Variants in SBF2 observed in about 807,000 individuals in gnomAD.
SBF2 encodes myotubularin-related protein 13.
Under a neutral mutation model 225.2 loss-of-function variants are expected in SBF2, and 112 were observed. The ratio of observed to expected loss-of-function variants is 0.50; its 90% CI spans 0.43 to 0.58. SBF2 has a LOEUF of 0.58. SBF2 is among the 20% of genes least tolerant of loss of function. SBF2 has a pLI of 0.00. For synonymous variants in SBF2, 763 were observed against 773.3 expected (o/e 0.99, Z 0.22); for missense variants, 1,996 against 2,206.2 (o/e 0.90, Z 1.91).
At chr11:10,000,293 G>A (rs371203119) in intron 8 of SBF2, among the ~76,000 whole-genome samples, 2 of 152,122 alleles carry the variant, frequency 1.3e-5, no homozygotes, top group East Asian at 1.9e-4. Context: ...ATTTCCTTAG[G>A]CCCTTACAGA....
rs567503952 is a variant in SBF2, at chr11:10,300,934, C to A, written n.386+3558G>T. 1.3e-5 allele frequency among the ~76,000 whole-genome samples: 2 copies of A among 151,956 alleles called. 1 individual carries two copies. Among genetic ancestry groups the A allele is most frequent in the Non-Finnish European group, 2.9e-5 (2 of 68,004 alleles). On this transcript the variant is annotated intron_variant and non_coding_transcript_variant, in intron 1 of 5. Transcript: ENST00000685217. ...AAAGTGCTAGGATTACAGGCACGAGCCACTGTACTGGACCATCTCTTCTCT... is the reference window on the plus strand; with the variant it reads ...AAAGTGCTAGGATTACAGGCACGAGACACTGTACTGGACCATCTCTTCTCT...
intron 35 of SBF2, 186 bp from the exon 36 acceptor site, chr11:9,787,924 C>T (rs1372959733): frequency 3.3e-5 from 21 of 628,116 alleles, no homozygotes; most frequent in Admixed American, 2.8e-4. Context: ...GTTGGTGTGC[C>T]GTACTGTGGC....
chr11:9,877,606 T>C (rs1189017908), intron 17 of SBF2, among the ~76,000 whole-genome samples: 1 of 152,154 alleles, frequency 6.6e-6, no homozygotes, highest in Non-Finnish European at 1.5e-5. Flanking sequence ...TCCAAGTGTT[T>C]TCACTGTTCA....
At chr11:10,084,225 G>A (rs1355803180) in intron 2 of SBF2, among the ~76,000 whole-genome samples, 3 of 151,890 alleles carry the variant, frequency 2.0e-5, no homozygotes, top group African/African-American at 7.3e-5. Context: ...TGCACATCCT[G>A]CACATGTATC....
At chr11:9,919,448 C>T (rs1386682665) in intron 16 of SBF2, among the ~76,000 whole-genome samples, 1 of 151,964 alleles carries the variant, frequency 6.6e-6, no homozygotes, top group Admixed American at 6.6e-5. Context: ...GCCGAGCTCC[C>T]CGAGTGAGCA....
chr11:10,222,287 A>G (rs1958368306), intron 1 of SBF2, among the ~76,000 whole-genome samples: 1 of 152,244 alleles, frequency 6.6e-6, no homozygotes, highest in African/African-American at 2.4e-5. Flanking sequence ...CCAAGTTGCA[A>G]GACAAAAGGA....
At chr11:10,137,491 A>G (rs1954436013) in intron 2 of SBF2, among the ~76,000 whole-genome samples, 1 of 152,192 alleles carries the variant, frequency 6.6e-6, no homozygotes, top group Admixed American at 6.5e-5. Flanking sequence ...GGGGGAAAGC[A>G]TTCAATTTTT....
chr11:10,081,759 CA>C (rs59208091), intron 2 of SBF2, among the ~76,000 whole-genome samples: 7,640 of 120,438 alleles, frequency 0.063, 237 homozygotes, highest in Middle Eastern at 0.16. Context: ...GACTCCACCT[CA>C]AAAAAAAAAA....
chr11:9,822,649 A>G (rs1168621082), intron 28 of SBF2, among the ~76,000 whole-genome samples: 1 of 152,196 alleles, frequency 6.6e-6, no homozygotes, highest in Non-Finnish European at 1.5e-5. Context: ...TTCAGGGAAG[A>G]TATGACACAG....
intron 2 of SBF2, among the ~76,000 whole-genome samples, chr11:10,063,934 T>C (rs1158271306): frequency 6.6e-6 from 1 of 151,126 alleles, no homozygotes; most frequent in Admixed American, 6.6e-5. Flanking sequence ...GCCTAAAATA[T>C]AAGTAACAGG....
At chr11:9,782,688 T>C (rs1319811293) in intron 38 of SBF2, among the ~76,000 whole-genome samples, 3 of 151,970 alleles carry the variant, frequency 2.0e-5, no homozygotes, top group Non-Finnish European at 4.4e-5. Flanking sequence ...CTGACCAATA[T>C]GGTGAAACCC....
rs370084303 is a variant in SBF2 at position 10,026,420 on chromosome 11, A to G, written c.619+2032T>C. On this transcript the variant is annotated intron_variant, in intron 6 of 39. Transcript: ENST00000256190. ...TAGGGACCACAGACAAGCTGCAGGT[A>G]GTCCATGAATCTACTAAATTTACTT... 2.6e-4 allele frequency among the ~76,000 whole-genome samples: 39 copies of G among 152,306 alleles called. No homozygotes were observed. The South Asian group carries it at 7.7e-3, about 30-fold the overall frequency.
At chr11:10,190,501 G>C (rs778667152) in intron 2 of SBF2, among the ~76,000 whole-genome samples, 3 of 151,984 alleles carry the variant, frequency 2.0e-5, no homozygotes, top group Non-Finnish European at 4.4e-5. Flanking sequence ...TTTTTCAATA[G>C]AAAAATAGAA....
Position 9,842,740 on chromosome 11 carries a change from G to C in SBF2, c.3141C>G (p.Ala1047=). 6.2e-7 allele frequency: 1 copy of C among 1,613,870 alleles called. No individual in the cohort carries two copies. The highest frequency in any genetic ancestry group is 8.5e-7 in the Non-Finnish European group (1 of 1,179,968). ...RTFSKTIVKG[A]KRAGKMTIGR... Reference sequence around the variant, plus strand: ...CAATTGTCATTTTCCCTGCCCTTTTGGCACCTTTCACAATTGTTTTTGAGA... The same window carrying C: ...CAATTGTCATTTTCCCTGCCCTTTTCGCACCTTTCACAATTGTTTTTGAGA... The change falls in exon 25 of 40, where the codon GCC becomes GCG. Residue 1047 remains alanine, a synonymous_variant. Coordinates refer to ENST00000256190, the MANE Select transcript of SBF2 (RefSeq NM_030962.4).
At position 10,215,847 on chromosome 11, in the gene SBF2, T is replaced by G. The variant is rs1958109359; in HGVS notation, c.56-21860A>C. On this transcript the variant is annotated intron_variant, in intron 1 of 39. Coordinates refer to ENST00000256190, the MANE Select transcript of SBF2 (RefSeq NM_030962.4). ...AACTGACTTCTCATCACATTCAGGA[T>G]AATGACTGAATTTCCATCTGACTTA... is the stretch of plus-strand genomic sequence containing the variant. Among the ~76,000 whole-genome samples, 4 of 152,242 alleles carry G rather than the reference T, an allele frequency of 2.6e-5. No individual in the cohort carries two copies. The South Asian group carries it at 8.3e-4, about 31-fold the overall frequency.
In SBF2 at chr11:10,028,525, C is replaced by A. The variant is rs886047534; in HGVS notation, c.546G>T (p.Gln182His). 9 of 1,613,404 alleles carry A rather than the reference C, an allele frequency of 5.6e-6. No individual in the cohort carries two copies. Among genetic ancestry groups the A allele is most frequent in the Non-Finnish European group, 6.8e-6 (8 of 1,179,536 alleles). The change falls in exon 6 of 40, where the codon CAG becomes CAT. Residue 182 changes from glutamine to histidine, a missense_variant. By Grantham distance (24) the Gln-to-His change is conservative. Transcript: ENST00000256190. ...KLFSLGAGDRQLIQTPLHDSL... is the reference protein window; with the variant it reads ...KLFSLGAGDRHLIQTPLHDSL... ...TATCATGTAAAGGAGTCTGGATCAA[C>A]TGTCTATCTCCTGCACCCAAAGAAA...
At chr11:10,003,554 A>G (rs1948065782) in intron 6 of SBF2, among the ~76,000 whole-genome samples, 1 of 152,002 alleles carries the variant, frequency 6.6e-6, no homozygotes, top group Admixed American at 6.6e-5. Context: ...TTTTTAGTAG[A>G]GACGGGGTTT....
At chr11:9,985,961 C>T (rs1367527177) in intron 13 of SBF2, among the ~76,000 whole-genome samples, 1 of 152,118 alleles carries the variant, frequency 6.6e-6, no homozygotes, top group Admixed American at 6.5e-5. Context: ...AACATTTCAT[C>T]CAACTACCAC....
chr11:10,060,025 A>G (rs559351913), intron 2 of SBF2, among the ~76,000 whole-genome samples: 1 of 152,264 alleles, frequency 6.6e-6, no homozygotes, highest in East Asian at 1.9e-4. Context: ...GAGAAATAAC[A>G]AAAATCAGAG....
Sources: allele counts gnomAD v4.1 joint callset (sites outside exome capture counted in the v4.1 genomes callset), GRCh38; gene constraint gnomAD v4.1.1; transcripts MANE v1.5; gene names NCBI Gene and HGNC (gene_info 2026-07-23, HGNC 2026-07-21).